The following NCAM1 variants were observed in gnomAD, a reference collection of about 807,000 sequenced individuals.
The protein encoded by NCAM1 is antigen recognized by monoclonal antibody 5.1H11.
Under a neutral mutation model 109.8 loss-of-function variants are expected in NCAM1, and 14 were observed. The ratio of observed to expected loss-of-function variants is 0.13; its 90% CI spans 0.08 to 0.20. NCAM1 has a LOEUF of 0.20. Ranked by LOEUF, NCAM1 falls within the 10% of genes least tolerant of loss-of-function variation. The pLI, the probability that NCAM1 is intolerant of heterozygous loss-of-function variation, is 1.00. For missense variants in NCAM1, 774 were observed against 1,109.9 expected (o/e 0.70, Z 4.30); for synonymous variants, 418 against 442.9 (o/e 0.94, Z 0.70).
chr11:113,189,173 C>G (rs1017199714), intron 1 of NCAM1, among the ~76,000 whole-genome samples: 3 of 151,974 alleles, frequency 2.0e-5, no homozygotes, highest in Admixed American at 6.5e-5. Context: ...TAGCCTCGGC[C>G]GGGCACGGTG....
intron 1 of NCAM1, among the ~76,000 whole-genome samples, chr11:113,031,855 T>G (rs1306984563): frequency 1.3e-5 from 2 of 152,132 alleles, no homozygotes; most frequent in Non-Finnish European, 2.9e-5. Context: ...ACAAATAAAT[T>G]TCAGAGAGTA....
chr11:113,109,847 A>G (rs940560423), intron 1 of NCAM1, among the ~76,000 whole-genome samples: 4 of 152,156 alleles, frequency 2.6e-5, no homozygotes, highest in Admixed American at 6.5e-5. Context: ...GCTGTTCCGG[A>G]GGCATCAGAT....
intron 1 of NCAM1, among the ~76,000 whole-genome samples, chr11:113,106,720 G>C (rs1456367669): frequency 1.3e-5 from 2 of 152,228 alleles, no homozygotes; most frequent in African/African-American, 4.8e-5. Context: ...TATTATAGGA[G>C]CAGCAGCAGT....
Position 113,275,373 on chromosome 11 carries a change from G to T in NCAM1, c.2563G>T (p.Glu855Ter), listed in dbSNP as rs369107930. 2.5e-6 allele frequency: 4 copies of T among 1,612,854 alleles called. No individual in the cohort carries two copies. Among genetic ancestry groups the T allele is most frequent in the Non-Finnish European group, 3.4e-6 (4 of 1,179,388 alleles). The part of the protein sequence containing the change: ...PNDATQTKEN[E>*]SKA ...TGACGCCACACAGACAAAGGAGAACGAGAGCAAAGCATGATGGGTGAAGAG... is the reference window on the plus strand; with the variant it reads ...TGACGCCACACAGACAAAGGAGAACTAGAGCAAAGCATGATGGGTGAAGAG... The change falls in exon 20 of 20, where the codon GAG becomes TAG. Residue 855 changes from glutamate to a stop codon, truncating the protein, a stop_gained. Coordinates refer to ENST00000316851, the MANE Select transcript of NCAM1 (RefSeq NM_181351.5). LOFTEE classifies it high-confidence loss of function.
Position 112,961,558 on chromosome 11 carries a change from G to A in NCAM1, c.-55G>A, listed in dbSNP as rs781918129. ...GCCGCCGTCCACACTCGCTGCAGGG[G>A]GGGGGGCACAGAATTTACCGCGGCA... On this transcript the variant is annotated 5_prime_UTR_variant, in exon 1 of 20. Transcript: ENST00000316851. The A allele has an allele frequency of 8.0e-6, 9 of 1,129,712 alleles. No homozygotes were observed. Among genetic ancestry groups the A allele is most frequent in the Admixed American group, 1.7e-5 (1 of 59,226 alleles). The allele number at this position is 1,129,712 out of a possible 1,614,324, so 70.0% of individuals were successfully genotyped here.
At position 112,961,596 on chromosome 11, in the gene NCAM1, C is replaced by A. The variant is rs1555062939; in HGVS notation, c.-17C>A. On this transcript the variant is annotated 5_prime_UTR_variant, in exon 1 of 20. Coordinates refer to ENST00000316851, the MANE Select transcript of NCAM1 (RefSeq NM_181351.5). ...ATTTACCGCGGCAAGAACATCCCTCCCAGCCAGCAGATTACAATGCTGCAA... is the reference window on the plus strand; with the variant it reads ...ATTTACCGCGGCAAGAACATCCCTCACAGCCAGCAGATTACAATGCTGCAA... 1 of 1,471,154 alleles carries A rather than the reference C, an allele frequency of 6.8e-7. No individual in the cohort carries two copies. The highest frequency in any genetic ancestry group is 9.5e-7 in the Non-Finnish European group (1 of 1,051,386). The allele number at this position is 1,471,154 out of a possible 1,614,324, so 91.1% of individuals were successfully genotyped here.
intron 9 of NCAM1, among the ~76,000 whole-genome samples, chr11:113,224,096 G>A (rs1555115786): frequency 6.6e-6 from 1 of 152,230 alleles, no homozygotes; most frequent in Non-Finnish European, 1.5e-5. Flanking sequence ...CAGGACAGTG[G>A]GTGCAGCGCA....
intron 17 of NCAM1, chr11:113,264,973 C>T (rs1375612057): frequency 1.0e-6 from 1 of 985,318 alleles, no homozygotes; most frequent in Non-Finnish European, 1.2e-6. Context: ...AGTGAGTGCA[C>T]CCCACCTTGC....
intron 1 of NCAM1, among the ~76,000 whole-genome samples, chr11:113,195,468 C>T: frequency 6.7e-6 from 1 of 149,250 alleles, no homozygotes; most frequent in Admixed American, 6.7e-5. Flanking sequence ...CACACACACA[C>T]ACACACACAA....
intron 15 of NCAM1, among the ~76,000 whole-genome samples, chr11:113,254,620 G>A (rs891093152): frequency 2.0e-5 from 3 of 152,214 alleles, no homozygotes; most frequent in African/African-American, 7.2e-5. Context: ...GACTCTCGCT[G>A]TGCCTGCAGC....
At chr11:112,966,837 T>A (rs7104724) in intron 1 of NCAM1, among the ~76,000 whole-genome samples, 18,035 of 152,186 alleles carry the variant, frequency 0.12, 1,218 homozygotes, top group East Asian at 0.32. Flanking sequence ...AGCCACTGAG[T>A]TAACGGATTT....
chr11:113,171,924 G>A (rs1055170329), intron 1 of NCAM1, among the ~76,000 whole-genome samples: 1 of 152,122 alleles, frequency 6.6e-6, no homozygotes, highest in Non-Finnish European at 1.5e-5. Flanking sequence ...AGCATGACCG[G>A]CATTCTTATG....
intron 1 of NCAM1, among the ~76,000 whole-genome samples, chr11:112,978,249 T>A (rs200169901): frequency 2.0e-5 from 3 of 151,452 alleles, no homozygotes; most frequent in Non-Finnish European, 4.4e-5. Flanking sequence ...TCTAAATTGG[T>A]GTTTAGGTTT....
chr11:113,075,356 T>C (rs1157884516), intron 1 of NCAM1, among the ~76,000 whole-genome samples: 1 of 152,150 alleles, frequency 6.6e-6, no homozygotes, highest in Admixed American at 6.5e-5. Context: ...AGGTGTGAAC[T>C]ACTGCACCTG....
At chr11:113,267,714 C>T (rs1946164315) in intron 17 of NCAM1, among the ~76,000 whole-genome samples, 1 of 152,210 alleles carries the variant, frequency 6.6e-6, no homozygotes, top group Admixed American at 6.5e-5. Flanking sequence ...CGCTGCCCTA[C>T]TTGTTTATGC....
chr11:113,223,460 A>C (rs1293733651), intron 9 of NCAM1, among the ~76,000 whole-genome samples: 1 of 152,220 alleles, frequency 6.6e-6, no homozygotes, highest in Non-Finnish European at 1.5e-5. Flanking sequence ...GAATTAAAAA[A>C]AAAAAGTATG....
chr11:113,139,161 T>C (rs1555099961), intron 1 of NCAM1, among the ~76,000 whole-genome samples: 1 of 152,254 alleles, frequency 6.6e-6, no homozygotes, highest in Admixed American at 6.5e-5. Flanking sequence ...ATCTTCTAAA[T>C]AAAATTACAG....
intron 1 of NCAM1, among the ~76,000 whole-genome samples, chr11:113,174,431 C>T (rs1227387780): frequency 5.9e-5 from 9 of 152,052 alleles, no homozygotes; most frequent in African/African-American, 1.4e-4. Context: ...AATAAATTGG[C>T]GAGGTTTTAG....
At chr11:113,104,924 CTT>C (rs1268879588) in intron 1 of NCAM1, among the ~76,000 whole-genome samples, 2 of 152,236 alleles carry the variant, frequency 1.3e-5, no homozygotes, top group African/African-American at 4.8e-5. Context: ...GGCTGTGACT[CTT>C]TTATTAACTT....
Sources: gnomAD v4.1 joint callset for allele counts (sites outside exome capture counted in the v4.1 genomes callset) on GRCh38, gnomAD v4.1.1 for gene constraint, MANE v1.5 for transcripts, NCBI Gene and HGNC (gene_info 2026-07-23, HGNC 2026-07-21) for gene names.